The following WDFY2 variants were observed in gnomAD, a reference collection of about 807,000 sequenced individuals.
The protein encoded by WDFY2 is WD repeat and FYVE domain-containing protein 2.
A neutral mutation model predicts 56.4 loss-of-function variants in WDFY2; 36 were observed. The ratio of observed to expected loss-of-function variants is 0.64; its 90% CI spans 0.49 to 0.84. The LOEUF is 0.84. WDFY2 is among the 40% of genes least tolerant of loss of function. The pLI is 0.00. For missense variants in WDFY2, 444 were observed against 512.2 expected (o/e 0.87, Z 1.29); for synonymous variants, 176 against 183.7 (o/e 0.96, Z 0.34).
intron 1 of WDFY2, chr13:51,590,945 C>T (rs1405725660): frequency 6.6e-6 from 1 of 152,118 alleles, no homozygotes; most frequent in Non-Finnish European, 1.5e-5. Flanking sequence ...AGGTCATCTC[C>T]TTGTCTCTTG....
intron 1 of WDFY2, among the ~76,000 whole-genome samples, chr13:51,606,811 A>G (rs967492276): frequency 3.9e-5 from 6 of 152,128 alleles, no homozygotes; most frequent in African/African-American, 1.4e-4. Context: ...CTCTTAATTT[A>G]TGATTCATAC....
chr13:51,670,850 AG>A (rs1339422425), intron 2 of WDFY2, among the ~76,000 whole-genome samples: 11 of 151,988 alleles, frequency 7.2e-5, no homozygotes, highest in Non-Finnish European at 1.6e-4. Flanking sequence ...CCCAGTGTGT[AG>A]TCTTTTATCC....
At chr13:51,590,419 T>C (rs1397948753) in intron 1 of WDFY2, 1 of 151,080 alleles carries the variant, frequency 6.6e-6, no homozygotes, top group East Asian at 1.9e-4. Context: ...TTTCTCTGGC[T>C]GTCTGTTTTC....
chr13:51,591,642 G>C (rs1242381301), intron 1 of WDFY2: 2 of 152,140 alleles, frequency 1.3e-5, no homozygotes, highest in African/African-American at 4.8e-5. Context: ...TTTCTGTTCT[G>C]TTGCAGCCCT....
intron 1 of WDFY2, among the ~76,000 whole-genome samples, chr13:51,660,009 A>G (rs185486031): frequency 1.3e-5 from 2 of 152,344 alleles, no homozygotes; most frequent in African/African-American, 4.8e-5. Flanking sequence ...AACAAGAACG[A>G]AAATAATAAT....
At chr13:51,694,882 T>C (rs1431378908) in intron 3 of WDFY2, among the ~76,000 whole-genome samples, 1 of 152,108 alleles carries the variant, frequency 6.6e-6, no homozygotes, top group Non-Finnish European at 1.5e-5. Context: ...TGTTCGTTTC[T>C]TTTTGTTCTT....
chr13:51,728,990 T>A (rs1443956657), intron 6 of WDFY2, among the ~76,000 whole-genome samples: 1 of 152,176 alleles, frequency 6.6e-6, no homozygotes, highest in Admixed American at 6.5e-5. Flanking sequence ...CTGTTTCCCC[T>A]TGTGGCGCAT....
At chr13:51,673,007 G>A (rs1250557938) in intron 2 of WDFY2, among the ~76,000 whole-genome samples, 1 of 152,182 alleles carries the variant, frequency 6.6e-6, no homozygotes, top group African/African-American at 2.4e-5. Flanking sequence ...GGGTGAAATT[G>A]TCTTACAGTT....
At chr13:51,633,756 C>T (rs1009597157) in intron 1 of WDFY2, among the ~76,000 whole-genome samples, 7 of 152,128 alleles carry the variant, frequency 4.6e-5, no homozygotes, top group Non-Finnish European at 1.0e-4. Flanking sequence ...CTTTAAACCA[C>T]CTGAAGTTTT....
intron 6 of WDFY2, among the ~76,000 whole-genome samples, chr13:51,736,777 T>C (rs1012966526): frequency 2.0e-5 from 3 of 152,118 alleles, no homozygotes; most frequent in East Asian, 1.9e-4. Context: ...AGGCGTGAGC[T>C]ACCGCACCCG....
chr13:51,682,309 A>G (rs996714209), intron 3 of WDFY2, among the ~76,000 whole-genome samples: 7 of 152,190 alleles, frequency 4.6e-5, no homozygotes, highest in Admixed American at 2.6e-4. Context: ...GGAACCTTAT[A>G]TCTAAATAAT....
intron 1 of WDFY2, chr13:51,589,740 T>A (rs1954009104): frequency 6.6e-6 from 1 of 152,184 alleles, no homozygotes; most frequent in Non-Finnish European, 1.5e-5. Flanking sequence ...TTAGAACCCA[T>A]CTAAACTAAT....
Sources: allele counts gnomAD v4.1 joint callset (sites outside exome capture counted in the v4.1 genomes callset), GRCh38; gene constraint gnomAD v4.1.1; transcripts MANE v1.5; gene names NCBI Gene and HGNC (gene_info 2026-07-23, HGNC 2026-07-21).